Variants in IQCH observed in about 807,000 individuals in gnomAD.
The protein encoded by IQCH is IQ motif containing H.
In IQCH, 98 loss-of-function variants were observed where a neutral mutation model predicts 117.0. That is an observed-to-expected ratio of 0.84 (90% CI 0.71 to 0.99). IQCH has a LOEUF of 0.99. IQCH is among the 50% of genes least tolerant of loss of function. The pLI is 0.00. For synonymous variants in IQCH, 412 were observed against 448.2 expected (o/e 0.92, Z 1.02); for missense variants, 1,102 against 1,243.8 (o/e 0.89, Z 1.72).
In IQCH at chr15:67,406,243, A is replaced by G. The variant is rs2140881447; in HGVS notation, c.2097+5938A>G. 1 of 152,340 alleles carries G rather than the reference A, an allele frequency of 6.6e-6. No individual in the cohort carries two copies. The highest frequency in any genetic ancestry group is 1.9e-4 in the East Asian group (1 of 5,186). The allele number at this position is 152,340 out of a possible 1,614,324, so 9.4% of individuals were successfully genotyped here. ...GTAAGCATTTAAAACCCTTGTTTTT[A>G]GCCCAGTGCAGTCGATCACTCCTGT... is the stretch of plus-strand genomic sequence containing the variant. On this transcript the variant is annotated intron_variant, in intron 14 of 20. Transcript: ENST00000335894. This position sits in a 1 kb window ranked among gnomAD's most constrained non-coding sequence, Gnocchi z 4.5.
chr15:67,324,048 G>A (rs1263144860), intron 4 of IQCH, among the ~76,000 whole-genome samples: 1 of 144,206 alleles, frequency 6.9e-6, no homozygotes, highest in Non-Finnish European at 1.5e-5. Context: ...GGCTCAAGTG[G>A]TTCTCCTGTC....
chr15:67,462,413 G>A (rs1440519462), intron 16 of IQCH, among the ~76,000 whole-genome samples: 3 of 148,648 alleles, frequency 2.0e-5, no homozygotes, highest in Non-Finnish European at 4.4e-5. Context: ...GGGCGACAGA[G>A]TGAGACTCCA....
At chr15:67,306,693 A>T in intron 4 of IQCH, 1 of 711,014 alleles carries the variant, frequency 1.4e-6, no homozygotes, top group African/African-American at 1.8e-5. Context: ...TATCTTCAGA[A>T]TTTTATATCC....
At chr15:67,323,358 C>G (rs1321384068) in intron 4 of IQCH, among the ~76,000 whole-genome samples, 1 of 151,094 alleles carries the variant, frequency 6.6e-6, no homozygotes, top group Non-Finnish European at 1.5e-5. Context: ...TTCTCCTGCC[C>G]CAGCCTCCCG....
At chr15:67,437,383 C>T (rs530212440) in intron 16 of IQCH, among the ~76,000 whole-genome samples, 1 of 152,246 alleles carries the variant, frequency 6.6e-6, no homozygotes, top group South Asian at 2.1e-4. Context: ...GGGAACAACC[C>T]GTGGGACAAA....
chr15:67,255,035 C>T, intron 1 of IQCH, 88 bp downstream of exon 1: 1 of 1,309,114 alleles, frequency 7.6e-7, no homozygotes, highest in South Asian at 1.2e-5. Context: ...GACGCTCACC[C>T]ATTTGGTGCG....
At position 67,430,848 on chromosome 15, in the gene IQCH, T is replaced by C. The variant is rs2082004391; in HGVS notation, c.2505+9271T>C. Among the ~76,000 whole-genome samples the C allele has an allele frequency of 6.6e-6, 1 of 152,136 alleles. No individual in the cohort carries two copies. The highest frequency in any genetic ancestry group is 1.5e-5 in the Non-Finnish European group (1 of 68,020). On this transcript the variant is annotated intron_variant, in intron 16 of 20. Transcript: ENST00000335894. This position sits in a 1 kb window ranked among gnomAD's most constrained non-coding sequence, Gnocchi z 5.1. The stretch of plus-strand genomic sequence containing the variant: ...GGAGTTCACATTCTAGTTGGGAAGA[T>C]AGGCTTGAAAAATGAGTAGCAAGGA...
intron 16 of IQCH, among the ~76,000 whole-genome samples, chr15:67,460,352 T>C (rs2082761490): frequency 6.6e-6 from 1 of 152,212 alleles, no homozygotes; most frequent in African/African-American, 2.4e-5. Flanking sequence ...ATCTAGTCTT[T>C]TCTACATATA....
At position 67,369,962 on chromosome 15, in the gene IQCH, T is replaced by C. The variant is rs1970467914; in HGVS notation, c.754-2149T>C. On this transcript the variant is annotated intron_variant, in intron 8 of 20. Coordinates refer to ENST00000335894, the MANE Select transcript of IQCH (RefSeq NM_001031715.3). This position sits in a 1 kb window ranked among gnomAD's most constrained non-coding sequence, Gnocchi z 5.2. ...TTTGATGTCCAGGAGTATGTTTCCT[T>C]TGAGAGCAGGTCTTTGCTGGAATAT... 6.6e-6 allele frequency among the ~76,000 whole-genome samples: 1 copy of C among 152,164 alleles called. No homozygotes were observed.
chr15:67,363,008 G>C (rs1970199728), intron 8 of IQCH, among the ~76,000 whole-genome samples: 1 of 152,192 alleles, frequency 6.6e-6, no homozygotes, highest in Non-Finnish European at 1.5e-5. Context: ...TAAAGGGCTG[G>C]AGAGAGGGCA....
chr15:67,329,570 C>T (rs1320596483), intron 4 of IQCH, among the ~76,000 whole-genome samples: 5 of 152,076 alleles, frequency 3.3e-5, no homozygotes. Context: ...CTCCTGGGCT[C>T]AAGCAATCCT....
In IQCH at chr15:67,417,336, C is replaced by G. The variant is rs148205567; in HGVS notation, c.2218+285C>G. ...AGAGGTGGGCTTTGGAATCAGATTACCTGGGTCTGGACCCCATCCATGACC... is the reference window on the plus strand; with the variant it reads ...AGAGGTGGGCTTTGGAATCAGATTAGCTGGGTCTGGACCCCATCCATGACC... On this transcript the variant is annotated intron_variant, in intron 15 of 20. Coordinates refer to ENST00000335894, the MANE Select transcript of IQCH (RefSeq NM_001031715.3). This position sits in a 1 kb window ranked among gnomAD's most constrained non-coding sequence, Gnocchi z 4.3. 2.9e-4 allele frequency among the ~76,000 whole-genome samples: 44 copies of G among 152,258 alleles called. No homozygotes were observed. In the East Asian group the frequency reaches 7.7e-3, roughly 27 times the overall value.
rs1970579149 is a variant in IQCH at position 67,372,512 on chromosome 15, A to C, written c.1155A>C (p.Ala385=). 6.2e-7 allele frequency: 1 copy of C among 1,613,994 alleles called. No homozygotes were observed. Residue 385 remains alanine (A), a synonymous_variant, in exon 9 of 21, where the codon GCA becomes GCC. Transcript: ENST00000335894. ...AAGCCACATGGAAATGCTACAAAGC[A>C]AGAAAATTCTTCCTCTTTTATCGCC... ...KIQATWKCYK[A]RKFFLFYRQQ...
intron 4 of IQCH, among the ~76,000 whole-genome samples, chr15:67,330,837 G>A (rs566932761): frequency 6.6e-6 from 1 of 152,262 alleles, no homozygotes; most frequent in South Asian, 2.1e-4. Flanking sequence ...CTTCAACTAA[G>A]TAAGCAAGCC....
In IQCH at chr15:67,366,039, C is replaced by A. The variant is rs992529928; in HGVS notation, c.754-6072C>A. The stretch of plus-strand genomic sequence containing the variant: ...ATTTGGATCAAGGAACGTACTAGAT[C>A]CACATTTTTCTCAGGAAACATGGAA... On this transcript the variant is annotated intron_variant, in intron 8 of 20. Coordinates refer to ENST00000335894, the MANE Select transcript of IQCH (RefSeq NM_001031715.3). This position sits in a 1 kb window ranked among gnomAD's most constrained non-coding sequence, Gnocchi z 4.4. Among the ~76,000 whole-genome samples, 1 of 152,186 alleles carries A rather than the reference C, an allele frequency of 6.6e-6. No individual in the cohort carries two copies. The highest frequency in any genetic ancestry group is 1.5e-5 in the Non-Finnish European group (1 of 68,030).
Position 67,501,532 on chromosome 15 carries a change from T to C in IQCH, c.*786T>C, listed in dbSNP as rs1225218115. 2.6e-5 allele frequency: 4 copies of C among 152,254 alleles called. No individual in the cohort carries two copies. Among genetic ancestry groups the C allele is most frequent in the Non-Finnish European group, 4.4e-5 (3 of 68,052 alleles). The allele number at this position is 152,254 out of a possible 1,614,324, so 9.4% of individuals were successfully genotyped here. A position where few individuals can be genotyped will look rare whatever the true frequency, so the allele number is the denominator to read the frequency against. ...CCTTTAAAAAGGCAGACTGTTAAGA[T>C]TGTAGTAGTGCTGACTCTAACTTTC... On this transcript the variant is annotated 3_prime_UTR_variant, in exon 21 of 21. Coordinates refer to ENST00000335894, the MANE Select transcript of IQCH (RefSeq NM_001031715.3). This position sits in a 1 kb window ranked among gnomAD's most constrained non-coding sequence, Gnocchi z 5.2.
chr15:67,283,578 G>T (rs1966451122), intron 4 of IQCH, among the ~76,000 whole-genome samples: 1 of 151,962 alleles, frequency 6.6e-6, no homozygotes, highest in South Asian at 2.1e-4. Context: ...GTGGGACCAT[G>T]TACGTTCTGG....
intron 16 of IQCH, among the ~76,000 whole-genome samples, chr15:67,442,813 C>T (rs2082303186): frequency 7.3e-6 from 1 of 136,968 alleles, no homozygotes; most frequent in South Asian, 2.4e-4. Flanking sequence ...GATAAAGAAA[C>T]TGTGAGATAG....
At chr15:67,267,100 C>T (rs1965708303) in intron 3 of IQCH, among the ~76,000 whole-genome samples, 1 of 152,202 alleles carries the variant, frequency 6.6e-6, no homozygotes, top group African/African-American at 2.4e-5. Flanking sequence ...TCTCAGGTTG[C>T]CTCCAAAGCT....
Sources: gnomAD v4.1 joint callset for allele counts (sites outside exome capture counted in the v4.1 genomes callset) on GRCh38, gnomAD v4.1.1 for gene constraint, Gnocchi (gnomAD v3.1) non-coding constraint, MANE v1.5 for transcripts, NCBI Gene and HGNC (gene_info 2026-07-23, HGNC 2026-07-21) for gene names.